Variants in CYP4X1 observed in about 807,000 individuals in gnomAD.
CYP4X1 encodes cytochrome P450 family 4 subfamily X member 1, also known as cytochrome P450 4X1.
A neutral mutation model predicts 57.9 loss-of-function variants in CYP4X1; 44 were observed. The ratio of observed to expected loss-of-function variants is 0.76; its 90% confidence interval spans 0.60 to 0.98. The LOEUF (loss-of-function observed/expected upper bound fraction) is 0.98. Ranked by LOEUF, CYP4X1 falls within the 50% of genes least tolerant of loss-of-function variation. CYP4X1 has a pLI of 0.00. For synonymous variants in CYP4X1, 227 were observed against 228.6 expected, an observed-to-expected ratio of 0.99 and a Z score of 0.06; for missense variants, 532 against 623.9, an observed-to-expected ratio of 0.85 and a Z score of 1.57.
chr1:46,981,822 G>A, the CYP4X1 span, among the ~76,000 whole-genome samples: 1 of 152,204 alleles, frequency 6.6e-6, no homozygotes. Context: ...ATAAGTTAAT[G>A]TCCTTTGTAT....
chr1:46,964,109 A>G, the CYP4X1 span, among the ~76,000 whole-genome samples: 1 of 152,018 alleles, frequency 6.6e-6, no homozygotes, highest in African/African-American at 2.4e-5. Context: ...TCCTTTAAGG[A>G]CTTCTCTACA....
the CYP4X1 span, among the ~76,000 whole-genome samples, chr1:47,011,642 T>A: frequency 6.6e-6 from 1 of 152,054 alleles, no homozygotes; most frequent in African/African-American, 2.4e-5. Flanking sequence ...TGGGAAAAAA[T>A]TTTTACAATC....
the CYP4X1 span, among the ~76,000 whole-genome samples, chr1:46,997,147 A>C: frequency 6.6e-6 from 1 of 152,050 alleles, no homozygotes; most frequent in Non-Finnish European, 1.5e-5. Flanking sequence ...CCCATGCAGA[A>C]GTATTTTTTT....
chr1:46,989,187 A>C, the CYP4X1 span, among the ~76,000 whole-genome samples: 17 of 152,280 alleles, frequency 1.1e-4, no homozygotes, highest in Admixed American at 3.3e-4. Context: ...AGCTGATAAG[A>C]AACTTCAGCA....
At chr1:47,044,506 A>G (rs1644280151) in intron 8 of CYP4X1, among the ~76,000 whole-genome samples, 1 of 150,754 alleles carries the variant, frequency 6.6e-6, no homozygotes, top group African/African-American at 2.4e-5. Flanking sequence ...TTTTAACTTT[A>G]TACTAGAGAT....
At chr1:46,966,033 G>C in the CYP4X1 span, among the ~76,000 whole-genome samples, 1 of 152,196 alleles carries the variant, frequency 6.6e-6, no homozygotes, top group Non-Finnish European at 1.5e-5. Flanking sequence ...TTCCTTGTCT[G>C]GACCATTTGT....
At chr1:46,996,731 G>GT in the CYP4X1 span, among the ~76,000 whole-genome samples, 1 of 152,180 alleles carries the variant, frequency 6.6e-6, no homozygotes, top group African/African-American at 2.4e-5. Flanking sequence ...TTGGAAGGTG[G>GT]TAACTCAGCA....
the CYP4X1 span, among the ~76,000 whole-genome samples, chr1:46,971,106 G>A: frequency 6.6e-6 from 1 of 152,030 alleles, no homozygotes; most frequent in Non-Finnish European, 1.5e-5. Flanking sequence ...AGTAGGCCAT[G>A]GTATCCATTC....
upstream of CYP4X1, chr1:47,023,594 T>C (rs1270108875): frequency 8.3e-6 from 11 of 1,320,092 alleles, no homozygotes; most frequent in Non-Finnish European, 7.7e-6. Context: ...GAACGAAGCG[T>C]GCGCGCTTTG....
At chr1:47,008,844 A>G in the CYP4X1 span, among the ~76,000 whole-genome samples, 1 of 152,362 alleles carries the variant, frequency 6.6e-6, no homozygotes, top group East Asian at 1.9e-4. Flanking sequence ...ATAATGGTAA[A>G]GGGATCAATA....
the CYP4X1 span, among the ~76,000 whole-genome samples, chr1:46,971,550 G>A: frequency 6.6e-6 from 1 of 152,112 alleles, no homozygotes; most frequent in Non-Finnish European, 1.5e-5. Context: ...CACCATATAA[G>A]CATTGCCTTT....
intron 8 of CYP4X1, among the ~76,000 whole-genome samples, chr1:47,041,052 G>T (rs1186576191): frequency 6.6e-6 from 1 of 151,964 alleles, no homozygotes; most frequent in Non-Finnish European, 1.5e-5. Context: ...TTGTCTTTCT[G>T]TGCCTGGCTT....
At position 47,050,212 on chromosome 1, in the gene CYP4X1, G is replaced by T. The variant is rs571209485; in HGVS notation, c.*38G>T. 1 of 1,607,470 alleles carries T rather than the reference G, an allele frequency of 6.2e-7. No individual in the cohort carries two copies. Among genetic ancestry groups the T allele is most frequent in the South Asian group, 1.1e-5 (1 of 90,328 alleles). On this transcript the variant is annotated 3_prime_UTR_variant, in exon 12 of 12. Transcript: ENST00000371901. ...AATGATTAAACGTACTTTGTTTTTC[G>T]AAGTTAAATTTACAGCTAATGATCC...
chr1:46,997,392 G>A, the CYP4X1 span, among the ~76,000 whole-genome samples: 1 of 152,118 alleles, frequency 6.6e-6, no homozygotes, highest in Non-Finnish European at 1.5e-5. Flanking sequence ...CACTTTTGGA[G>A]CCTCCAGTGT....
Position 47,046,478 on chromosome 1 carries a change from G to A in CYP4X1, c.1085G>A (p.Gly362Asp). 6.2e-7 allele frequency: 1 copy of A among 1,614,108 alleles called. No homozygotes were observed. Residue 362 changes from glycine to aspartate, a missense_variant, in exon 9 of 12, where the codon GGT (glycine) becomes GAT (aspartate). Physicochemically the swap from Gly to Asp is moderately conservative, Grantham distance 94. Transcript: ENST00000371901. ...CCTCATCCTCACAGGGACCAGCTGG[G>A]TGAGATGTCGTACACCACAATGTGC... Reference protein sequence around the residue: ...DGSSITWDQLGEMSYTTMCIK... With the variant: ...DGSSITWDQLDEMSYTTMCIK...
the CYP4X1 span, chr1:46,967,771 G>A: frequency 2.6e-5 from 35 of 1,349,788 alleles, no homozygotes; most frequent in South Asian, 2.1e-4. Context: ...TATGCCGACC[G>A]GGATCCTGGT....
chr1:47,004,927 A>G, the CYP4X1 span, among the ~76,000 whole-genome samples: 9 of 152,176 alleles, frequency 5.9e-5, no homozygotes, highest in Non-Finnish European at 1.0e-4. Flanking sequence ...TCCAGTTCCT[A>G]TATCACTAGT....
chr1:46,976,809 G>A, the CYP4X1 span, among the ~76,000 whole-genome samples: 4 of 152,182 alleles, frequency 2.6e-5, no homozygotes, highest in Non-Finnish European at 4.4e-5. Context: ...TGCAGCCTCT[G>A]CTGGTGATAC....
At chr1:47,008,250 G>C in the CYP4X1 span, among the ~76,000 whole-genome samples, 1 of 152,224 alleles carries the variant, frequency 6.6e-6, no homozygotes, top group Non-Finnish European at 1.5e-5. Flanking sequence ...CAAGCCAGAA[G>C]AGAGTGGGGG....
Sources: allele counts gnomAD v4.1 joint callset (sites outside exome capture counted in the v4.1 genomes callset), GRCh38; gene constraint gnomAD v4.1.1; transcripts MANE v1.5; gene names NCBI Gene and HGNC (gene_info 2026-07-23, HGNC 2026-07-21).